ELL2: variants seen among roughly 807,000 people sequenced by gnomAD.
ELL2 encodes the protein elongation factor for RNA polymerase II 2.
ELL2 carries 21 observed loss-of-function variants against 72.8 expected under a neutral mutation model. That is an observed-to-expected ratio of 0.29 (90% confidence interval 0.20 to 0.42). ELL2 has a LOEUF of 0.42. Ranked by LOEUF, ELL2 falls within the 10% of genes least tolerant of loss-of-function variation. The pLI, the probability that ELL2 is intolerant of heterozygous loss-of-function variation, is 1.00. For missense variants in ELL2, 568 were observed against 772.8 expected (o/e 0.73, Z 3.14); for synonymous variants, 266 against 283.2 (o/e 0.94, Z 0.61).
chr5:95,889,866 T>A (rs1748593821), intron 10 of ELL2, among the ~76,000 whole-genome samples: 1 of 133,470 alleles, frequency 7.5e-6, no homozygotes, highest in Non-Finnish European at 1.6e-5. Context: ...CCAGTAACAG[T>A]GATTTTCTGT....
intron 4 of ELL2, among the ~76,000 whole-genome samples, chr5:95,913,103 G>A (rs900688498): frequency 1.4e-4 from 21 of 152,130 alleles, no homozygotes; most frequent in African/African-American, 5.1e-4. Flanking sequence ...GACTCATCTT[G>A]CAAGTCTGGT....
At chr5:95,958,494 CTA>C (rs1239053585) in intron 1 of ELL2, among the ~76,000 whole-genome samples, 1 of 152,166 alleles carries the variant, frequency 6.6e-6, no homozygotes, top group African/African-American at 2.4e-5. Context: ...AGAAAGGTAT[CTA>C]TCTCATTTTT....
chr5:95,922,778 T>G (rs1561502071), intron 2 of ELL2, among the ~76,000 whole-genome samples: 1 of 152,184 alleles, frequency 6.6e-6, no homozygotes, highest in Non-Finnish European at 1.5e-5. Flanking sequence ...AATATGACCA[T>G]GACTAGAATA....
intron 5 of ELL2, among the ~76,000 whole-genome samples, chr5:95,906,158 G>C (rs58030063): frequency 0.055 from 8,348 of 152,132 alleles, 699 homozygotes; most frequent in East Asian, 0.42. Flanking sequence ...ACCAATCAAA[G>C]GCCAATAGAA....
At chr5:95,916,224 G>A (rs945458553) in intron 3 of ELL2, among the ~76,000 whole-genome samples, 2 of 152,014 alleles carry the variant, frequency 1.3e-5, no homozygotes, top group Non-Finnish European at 2.9e-5. Context: ...CCCAGGTCAC[G>A]AGGTATATGG....
chr5:95,895,827 G>GAGC, intron 8 of ELL2, 136 bp from the exon 9 acceptor site: 1 of 738,408 alleles, frequency 1.4e-6, no homozygotes, highest in South Asian at 1.7e-5. Context: ...AAGCAACAGT[G>GAGC]AGCAAGGAAT....
chr5:95,895,134 A>G (rs1561488965), intron 9 of ELL2, among the ~76,000 whole-genome samples: 1 of 152,258 alleles, frequency 6.6e-6, no homozygotes. Flanking sequence ...AACCATTACT[A>G]AATTGAAATG....
Position 95,887,674 on chromosome 5 carries a change from A to T in ELL2, c.*1197T>A, listed in dbSNP as rs1361189748. On this transcript the variant is annotated 3_prime_UTR_variant, in exon 12 of 12. Transcript: ENST00000237853. ...AAGTTTGTGCTGTTTGATGAATCAC[A>T]GTATGTTATGGTTAAATATATCCAC... The T allele has an allele frequency of 6.6e-6, 1 of 152,632 alleles. No homozygotes were observed. The highest frequency in any genetic ancestry group is 1.5e-5 in the Non-Finnish European group (1 of 68,032). 9.5% of individuals were successfully genotyped at this position (152,632 alleles called of 1,614,324 possible).
chr5:95,945,171 C>T (rs1190290878), intron 1 of ELL2, among the ~76,000 whole-genome samples: 2 of 152,226 alleles, frequency 1.3e-5, no homozygotes, highest in Admixed American at 6.5e-5. Context: ...CAGCAAATCT[C>T]AATGACTGGC....
intron 5 of ELL2, among the ~76,000 whole-genome samples, chr5:95,902,898 C>T (rs751343593): frequency 6.6e-6 from 1 of 152,146 alleles, no homozygotes; most frequent in Non-Finnish European, 1.5e-5. Flanking sequence ...ACTCCCACCT[C>T]AGCCTCCTGA....
intron 2 of ELL2, among the ~76,000 whole-genome samples, chr5:95,929,315 G>A (rs1366328335): frequency 6.6e-6 from 1 of 150,734 alleles, no homozygotes; most frequent in African/African-American, 2.5e-5. Flanking sequence ...CTGGAGTGCA[G>A]CGGCTCGATC....
intron 1 of ELL2, among the ~76,000 whole-genome samples, chr5:95,952,852 A>G (rs934594308): frequency 1.3e-5 from 2 of 152,220 alleles, no homozygotes; most frequent in East Asian, 3.8e-4. Flanking sequence ...GATAAAGAGA[A>G]GAGATAGAGA....
chr5:95,929,978 A>C (rs771725113), intron 2 of ELL2, among the ~76,000 whole-genome samples: 1 of 152,174 alleles, frequency 6.6e-6, no homozygotes, highest in Non-Finnish European at 1.5e-5. Flanking sequence ...CTTCGTCTTT[A>C]TTAAAACACT....
At position 95,889,129 on chromosome 5, in the gene ELL2, T is replaced by C. The variant is rs1454562860; in HGVS notation, c.1763A>G (p.Asn588Ser). ...RLSPGSKEYQ[N>S]VHEEVLQEYQ... The stretch of plus-strand genomic sequence containing the variant: ...TTCTTGTAAGACTTCTTCATGAACA[T>C]TCTACAAAATTAAATATTAGAAATC... Residue 588 changes from asparagine (N) to serine (S), a missense_variant and splice_region_variant, in exon 11 of 12, where the codon AAT becomes AGT. By Grantham distance (46) the Asn-to-Ser change is conservative (BLOSUM62 1). Transcript: ENST00000237853. 6 of 1,604,600 alleles carry C rather than the reference T, an allele frequency of 3.7e-6. No individual in the cohort carries two copies. The highest frequency in any genetic ancestry group is 5.1e-6 in the Non-Finnish European group (6 of 1,173,474).
At chr5:95,897,661 C>A (rs1343499027) in intron 8 of ELL2, among the ~76,000 whole-genome samples, 1 of 152,056 alleles carries the variant, frequency 6.6e-6, no homozygotes, top group Non-Finnish European at 1.5e-5. Flanking sequence ...GGGGAAAAAC[C>A]CCTAAACCTT....
intron 4 of ELL2, 61 bp from the exon 5 acceptor site, chr5:95,906,843 T>C: frequency 1.4e-6 from 2 of 1,455,276 alleles, no homozygotes. Flanking sequence ...AGCACCTCAG[T>C]TTCCACAATT....
chr5:95,906,826 C>T (rs1749381959), intron 4 of ELL2, 44 bp from the exon 5 acceptor site: 1 of 1,529,952 alleles, frequency 6.5e-7, no homozygotes, highest in East Asian at 2.3e-5. Flanking sequence ...TTGTGGGTTA[C>T]AATATGAGCA....
chr5:95,918,459 A>G (rs1238231414), intron 3 of ELL2, among the ~76,000 whole-genome samples: 1 of 152,242 alleles, frequency 6.6e-6, no homozygotes, highest in Non-Finnish European at 1.5e-5. Flanking sequence ...TAAATAACAA[A>G]AAGTTACGTA....
intron 1 of ELL2, among the ~76,000 whole-genome samples, chr5:95,956,074 T>A (rs750930841): frequency 6.6e-5 from 10 of 152,188 alleles, no homozygotes; most frequent in Non-Finnish European, 1.3e-4. Flanking sequence ...ATCTGGTGAT[T>A]GTCCTTGGTA....
Sources: allele counts gnomAD v4.1 joint callset (sites outside exome capture counted in the v4.1 genomes callset), GRCh38; gene constraint gnomAD v4.1.1; transcripts MANE v1.5; gene names NCBI Gene and HGNC (gene_info 2026-07-23, HGNC 2026-07-21).